Variants in TRMT9B observed in about 807,000 individuals in gnomAD.
TRMT9B encodes the protein tRNA methyltransferase 9B (putative).
In TRMT9B, 16 loss-of-function variants were observed where a neutral mutation model predicts 11.5. The ratio of observed to expected loss-of-function variants is 1.39; its 90% CI spans 0.94 to 2.11. The LOEUF (loss-of-function observed/expected upper bound fraction) is 2.11, where lower values mean the gene tolerates loss of function less well. TRMT9B is among the 30% of genes most tolerant of loss of function. TRMT9B has a pLI of 0.00. For synonymous variants in TRMT9B, 274 were observed against 192.4 expected, an observed-to-expected ratio of 1.42 and a Z score of -3.51; for missense variants, 941 against 553.8, an observed-to-expected ratio of 1.70 and a Z score of -7.02.
chr8:13,016,995 A>G (rs1188942970), intron 4 of TRMT9B, among the ~76,000 whole-genome samples: 1 of 151,504 alleles, frequency 6.6e-6, no homozygotes, highest in African/African-American at 2.4e-5. Flanking sequence ...ATAGTAGTGC[A>G]TGCCTGTAAT....
intron 4 of TRMT9B, among the ~76,000 whole-genome samples, chr8:13,019,678 A>G (rs1312185914): frequency 6.6e-6 from 1 of 152,134 alleles, no homozygotes; most frequent in Non-Finnish European, 1.5e-5. Context: ...TGACTGCTAT[A>G]CCTCCTTAGC....
intron 2 of TRMT9B, among the ~76,000 whole-genome samples, chr8:12,998,778 C>A (rs1338636483): frequency 2.0e-5 from 3 of 152,328 alleles, no homozygotes; most frequent in Admixed American, 6.5e-5. Context: ...CCCTGGAAGC[C>A]TTTTCAGTTC....
At position 13,023,936 on chromosome 8, in the gene TRMT9B, G is replaced by T. The variant is rs1585449316; in HGVS notation, c.*1892G>T. 1 of 166,638 alleles carries T rather than the reference G, an allele frequency of 6.0e-6. No homozygotes were observed. Among genetic ancestry groups the T allele is most frequent in the African/African-American group, 2.4e-5 (1 of 41,484 alleles). The allele number at this position is 166,638 out of a possible 1,614,324, so 10.3% of individuals were successfully genotyped here. On this transcript the variant is annotated 3_prime_UTR_variant, in exon 5 of 5. Transcript: ENST00000524591. ...GTAGATGAGGTTGTCTGGTGAAAAT[G>T]ATGCATATGAGTTGTACTGTTCAGT...
Position 13,023,558 on chromosome 8 carries a change from A to G in TRMT9B, c.*1514A>G, listed in dbSNP as rs1311211998. On this transcript the variant is annotated 3_prime_UTR_variant, in exon 5 of 5. Coordinates refer to ENST00000524591, the MANE Select transcript of TRMT9B (RefSeq NM_020844.3). ...AAATCTATGTCATGGATCCTGAGAC[A>G]CAAATATAATTAAGACAGGTCTAGA... 1 of 167,120 alleles carries G rather than the reference A, an allele frequency of 6.0e-6. No individual in the cohort carries two copies. The highest frequency in any genetic ancestry group is 1.5e-5 in the Non-Finnish European group (1 of 68,124). The allele number at this position is 167,120 out of a possible 1,614,324, so 10.4% of individuals were successfully genotyped here.
At chr8:13,001,249 C>T (rs1809385004) in intron 2 of TRMT9B, among the ~76,000 whole-genome samples, 1 of 152,190 alleles carries the variant, frequency 6.6e-6, no homozygotes, top group South Asian at 2.1e-4. Flanking sequence ...AGTTCAAATT[C>T]TCAAGACTGG....
rs114053891 is a variant in TRMT9B, at chr8:13,014,111, A to G, written c.328+1254A>G. On this transcript the variant is annotated intron_variant, in intron 4 of 4. Coordinates refer to ENST00000524591, the MANE Select transcript of TRMT9B (RefSeq NM_020844.3). ...ATTTATCCAACATTAGGTGGGGACT[A>G]TTTCTTCGTATGCTGAGGGGAGGCA... 2.1e-3 allele frequency among the ~76,000 whole-genome samples: 317 copies of G among 152,262 alleles called. 1 individual carries two copies. Among genetic ancestry groups the G allele is most frequent in the African/African-American group, 7.3e-3 (303 of 41,554 alleles).
Position 13,023,443 on chromosome 8 carries a change from G to C in TRMT9B, c.*1399G>C, listed in dbSNP as rs1175800425. On this transcript the variant is annotated 3_prime_UTR_variant, in exon 5 of 5. Transcript: ENST00000524591. ...AATTTAGGTAGAATCAACTTCTACT[G>C]ATTACAGGTTGAATTTCTGTCACTT... is the stretch of plus-strand genomic sequence containing the variant. The C allele has an allele frequency of 6.0e-6, 1 of 167,062 alleles. No homozygotes were observed. The highest frequency in any genetic ancestry group is 1.9e-4 in the East Asian group (1 of 5,206). 10.3% of individuals were successfully genotyped at this position (167,062 alleles called of 1,614,324 possible).
chr8:12,976,245 G>A (rs939190645), intron 1 of TRMT9B, among the ~76,000 whole-genome samples: 5 of 152,122 alleles, frequency 3.3e-5, no homozygotes, highest in South Asian at 2.1e-4. Context: ...TCCCAGCTCC[G>A]AAGATTTTCC....
intron 2 of TRMT9B, among the ~76,000 whole-genome samples, chr8:12,992,903 G>C (rs965168990): frequency 2.6e-5 from 4 of 152,120 alleles, no homozygotes; most frequent in Non-Finnish European, 5.9e-5. Flanking sequence ...TCCTGGAATG[G>C]ATGATTTTTA....
At chr8:13,011,554 TA>T in intron 3 of TRMT9B, 1 of 942,300 alleles carries the variant, frequency 1.1e-6, no homozygotes, top group South Asian at 4.9e-5. Flanking sequence ...TTAGATTATA[TA>T]TCTGTGATAG....
At chr8:12,949,611 G>C (rs538797875) in intron 1 of TRMT9B, among the ~76,000 whole-genome samples, 1 of 152,090 alleles carries the variant, frequency 6.6e-6, no homozygotes, top group Non-Finnish European at 1.5e-5. Context: ...GAAAGAAGTT[G>C]GTAACTCATG....
chr8:12,990,346 C>T (rs1032859793), intron 1 of TRMT9B, among the ~76,000 whole-genome samples: 3 of 151,848 alleles, frequency 2.0e-5, no homozygotes, highest in Non-Finnish European at 2.9e-5. Context: ...TAACTAAAAG[C>T]CTTTTGATGG....
chr8:12,960,966 C>A (rs541414016), intron 1 of TRMT9B, among the ~76,000 whole-genome samples: 1 of 152,068 alleles, frequency 6.6e-6, no homozygotes, highest in South Asian at 2.1e-4. Flanking sequence ...AGTAGTGAAA[C>A]CTTGTCTCTA....
chr8:13,022,124 T>C lies in TRMT9B; in HGVS notation c.*80T>C, dbSNP rs1814065248. The C allele has an allele frequency of 3.0e-6, 3 of 1,004,322 alleles. 1 individual carries two copies. In the South Asian group the frequency reaches 5.2e-5, roughly 17 times the overall value. 62.2% of individuals were successfully genotyped at this position (1,004,322 alleles called of 1,614,324 possible). ...TTTGATATGGTTACCTGAATTTGCA[T>C]TCAGTGTTATTTGTTAATCCATTTA... On this transcript the variant is annotated 3_prime_UTR_variant, in exon 5 of 5. Coordinates refer to ENST00000524591, the MANE Select transcript of TRMT9B (RefSeq NM_020844.3).
chr8:13,004,414 C>A (rs1310699024), intron 2 of TRMT9B, among the ~76,000 whole-genome samples: 2 of 151,630 alleles, frequency 1.3e-5, no homozygotes, highest in Admixed American at 1.3e-4. Context: ...GCCCTTCCTT[C>A]TGCTTGAGGA....
chr8:13,017,419 T>C (rs963276791), intron 4 of TRMT9B, among the ~76,000 whole-genome samples: 2 of 152,182 alleles, frequency 1.3e-5, no homozygotes, highest in African/African-American at 4.8e-5. Context: ...GTACTACTTT[T>C]GCCTTTAAGT....
intron 2 of TRMT9B, among the ~76,000 whole-genome samples, chr8:13,002,071 A>T (rs1270819746): frequency 1.3e-5 from 2 of 152,250 alleles, no homozygotes; most frequent in African/African-American, 2.4e-5. Flanking sequence ...AAAATATCAG[A>T]AAAACAAAAT....
At chr8:13,012,342 C>G in intron 3 of TRMT9B, 1 of 910,668 alleles carries the variant, frequency 1.1e-6, no homozygotes, top group Non-Finnish European at 1.3e-6. Flanking sequence ...TTTGGGAGGC[C>G]GAGGCAGGCG....
At chr8:12,963,772 G>GT (rs1563320703) in intron 1 of TRMT9B, among the ~76,000 whole-genome samples, 1 of 152,160 alleles carries the variant, frequency 6.6e-6, no homozygotes, top group African/African-American at 2.4e-5. Context: ...ATGTATACAA[G>GT]TTTTTTAAAA....
Sources: allele counts gnomAD v4.1 joint callset (sites outside exome capture counted in the v4.1 genomes callset), GRCh38; gene constraint gnomAD v4.1.1; transcripts MANE v1.5; gene names NCBI Gene and HGNC (gene_info 2026-07-23, HGNC 2026-07-21).